Variants in ZBTB20 observed in about 807,000 individuals in gnomAD.
The protein encoded by ZBTB20 is zinc finger and BTB domain containing 20, also known as zinc finger and BTB domain-containing protein 20.
Under a neutral mutation model 56.9 loss-of-function variants are expected in ZBTB20, and 9 were observed. The ratio of observed to expected loss-of-function variants is 0.16; its 90% confidence interval spans 0.10 to 0.28. The LOEUF (loss-of-function observed/expected upper bound fraction) is 0.28. ZBTB20 is among the 10% of genes least tolerant of loss of function. The pLI is 1.00. For synonymous variants in ZBTB20, 417 were observed against 420.7 expected, an observed-to-expected ratio of 0.99 and a Z score of 0.11; for missense variants, 655 against 1,003.0, an observed-to-expected ratio of 0.65 and a Z score of 4.69.
At chr3:114,721,312 T>G (rs2222855) in intron 5 of ZBTB20, among the ~76,000 whole-genome samples, 22,859 of 151,690 alleles carry the variant, frequency 0.15, 2,597 homozygotes, top group African/African-American at 0.31. Flanking sequence ...AGCATAAAGG[T>G]AATGAGAGAG....
chr3:114,478,759 T>C (rs2041168624), intron 7 of ZBTB20, among the ~76,000 whole-genome samples: 1 of 152,194 alleles, frequency 6.6e-6, no homozygotes, highest in Admixed American at 6.5e-5. Flanking sequence ...TGTGAAAGTC[T>C]GAAAAAGGTG....
chr3:114,632,316 T>C (rs867938956), intron 6 of ZBTB20, among the ~76,000 whole-genome samples: 20 of 152,314 alleles, frequency 1.3e-4, no homozygotes, highest in Admixed American at 3.9e-4. Flanking sequence ...ATAAATTTAA[T>C]GACCCTATGT....
chr3:115,134,704 T>A (rs2084607909), intron 1 of ZBTB20, among the ~76,000 whole-genome samples: 1 of 152,214 alleles, frequency 6.6e-6, no homozygotes, highest in Admixed American at 6.5e-5. Flanking sequence ...TTTTCATGTT[T>A]TCGCCAGTAG....
chr3:114,516,132 T>C (rs1446053888), intron 6 of ZBTB20, among the ~76,000 whole-genome samples: 2 of 152,012 alleles, frequency 1.3e-5, no homozygotes, highest in Admixed American at 6.6e-5. Context: ...TTACATACAA[T>C]AAAATTCATC....
At chr3:114,819,614 G>A (rs762726130) in intron 4 of ZBTB20, among the ~76,000 whole-genome samples, 5 of 151,790 alleles carry the variant, frequency 3.3e-5, no homozygotes, top group Admixed American at 6.6e-5. Flanking sequence ...ACAAAAGTAA[G>A]TAAGATGTTT....
intron 3 of ZBTB20, among the ~76,000 whole-genome samples, chr3:114,966,281 G>C (rs2077645138): frequency 6.6e-6 from 1 of 151,754 alleles, no homozygotes; most frequent in Non-Finnish European, 1.5e-5. Context: ...ATAAACTTGG[G>C]GAAATTAGGT....
chr3:114,998,841 G>C (rs1473179370), intron 2 of ZBTB20, among the ~76,000 whole-genome samples: 1 of 151,532 alleles, frequency 6.6e-6, no homozygotes, highest in Non-Finnish European at 1.5e-5. Flanking sequence ...AGGTAATTTG[G>C]TATTGGAGTC....
chr3:114,522,889 C>T (rs1177316013), intron 6 of ZBTB20, among the ~76,000 whole-genome samples: 1 of 152,080 alleles, frequency 6.6e-6, no homozygotes, highest in African/African-American at 2.4e-5. Flanking sequence ...ATTAGACAGA[C>T]GTGGAGATGT....
At chr3:114,857,464 G>C (rs967279984) in intron 4 of ZBTB20, among the ~76,000 whole-genome samples, 1 of 152,180 alleles carries the variant, frequency 6.6e-6, no homozygotes, top group African/African-American at 2.4e-5. Flanking sequence ...CTGTAGGGAA[G>C]TACTTCCCCT....
At chr3:114,670,323 C>T (rs1338657149) in intron 6 of ZBTB20, among the ~76,000 whole-genome samples, 2 of 152,022 alleles carry the variant, frequency 1.3e-5, no homozygotes, top group Admixed American at 1.3e-4. Context: ...ACTAGGGAAT[C>T]ATATCTTACT....
At chr3:114,826,766 A>G (rs1372059571) in intron 4 of ZBTB20, among the ~76,000 whole-genome samples, 1 of 151,752 alleles carries the variant, frequency 6.6e-6, no homozygotes, top group Non-Finnish European at 1.5e-5. Flanking sequence ...AAGCAGAGAT[A>G]GAAAAAAGAT....
chr3:114,574,416 G>A (rs79637758), intron 6 of ZBTB20, among the ~76,000 whole-genome samples: 14,210 of 152,148 alleles, frequency 0.093, 774 homozygotes, highest in African/African-American at 0.14. Context: ...ATCACTATGA[G>A]TGTCTATTTC....
At chr3:114,419,907 A>C (rs2088976237) in intron 7 of ZBTB20, among the ~76,000 whole-genome samples, 1 of 152,058 alleles carries the variant, frequency 6.6e-6, no homozygotes, top group Admixed American at 6.6e-5. Flanking sequence ...ATGTGAGTAG[A>C]TGTACACTTG....
chr3:114,483,373 G>C (rs963871074), intron 7 of ZBTB20, among the ~76,000 whole-genome samples: 3 of 151,736 alleles, frequency 2.0e-5, no homozygotes, highest in African/African-American at 7.3e-5. Context: ...GAAAGCATGC[G>C]AACTTATAAG....
intron 4 of ZBTB20, among the ~76,000 whole-genome samples, chr3:114,887,609 C>T (rs925533135): frequency 6.6e-6 from 1 of 152,086 alleles, no homozygotes; most frequent in African/African-American, 2.4e-5. Flanking sequence ...ATAAATGGGA[C>T]CATCAGAAGC....
chr3:114,731,392 A>G (rs1322653713), intron 5 of ZBTB20, among the ~76,000 whole-genome samples: 1 of 152,192 alleles, frequency 6.6e-6, no homozygotes, highest in Non-Finnish European at 1.5e-5. Flanking sequence ...AGAAAATTTC[A>G]TCTGTTAGAT....
At chr3:114,639,056 G>T (rs905861518) in intron 6 of ZBTB20, among the ~76,000 whole-genome samples, 2 of 152,042 alleles carry the variant, frequency 1.3e-5, no homozygotes, top group Non-Finnish European at 2.9e-5. Flanking sequence ...TCCTTAGCAT[G>T]CTCATTATTT....
intron 6 of ZBTB20, among the ~76,000 whole-genome samples, chr3:114,627,164 C>A (rs990199346): frequency 1.3e-5 from 2 of 152,210 alleles, no homozygotes; most frequent in African/African-American, 4.8e-5. Context: ...TCATGCAAAG[C>A]ATTCCATCTG....
At chr3:114,558,240 G>A (rs954920723) in intron 6 of ZBTB20, among the ~76,000 whole-genome samples, 2 of 151,984 alleles carry the variant, frequency 1.3e-5, no homozygotes, top group African/African-American at 4.8e-5. Flanking sequence ...GGAAACAGAG[G>A]AAGCACACTT....
Sources: allele counts gnomAD v4.1 joint callset (sites outside exome capture counted in the v4.1 genomes callset), GRCh38; gene constraint gnomAD v4.1.1; transcripts MANE v1.5; gene names NCBI Gene and HGNC (gene_info 2026-07-23, HGNC 2026-07-21).